Variants in SYNJ2 observed in about 807,000 individuals in gnomAD.
The protein encoded by SYNJ2 is polyphosphatidylinositol phosphatase SYNJ2.
SYNJ2 carries 116 observed loss-of-function variants against 141.3 expected under a neutral mutation model. The ratio of observed to expected loss-of-function variants is 0.82; its 90% confidence interval spans 0.71 to 0.96. The LOEUF (loss-of-function observed/expected upper bound fraction) is 0.96. Ranked by LOEUF, SYNJ2 falls within the 40% of genes least tolerant of loss-of-function variation. SYNJ2 has a pLI of 0.00. For synonymous variants in SYNJ2, 745 were observed against 777.7 expected (o/e 0.96, Z 0.70); for missense variants, 1,873 against 1,934.8 (o/e 0.97, Z 0.60).
intron 1 of SYNJ2, among the ~76,000 whole-genome samples, chr6:157,996,347 C>G (rs1389568780): frequency 6.6e-6 from 1 of 152,116 alleles, no homozygotes; most frequent in Non-Finnish European, 1.5e-5. Flanking sequence ...GCCACTGCCC[C>G]ATGTGCTTTC....
Position 158,017,431 on chromosome 6 carries a change from C to T in SYNJ2, c.214+141C>T, listed in dbSNP as rs527276856. The T allele has an allele frequency of 1.9e-3, 2,058 of 1,082,762 alleles. 8 individuals carry two copies. Among genetic ancestry groups the T allele is most frequent in the Non-Finnish European group, 2.2e-3 (1,763 of 812,820 alleles). The allele number at this position is 1,082,762 out of a possible 1,614,324, so 67.1% of individuals were successfully genotyped here. ...TTTTTTTTTTTTTTTTTTTTTTCTCCGAGATAGAGTTTTGCTCTTGTTGCC... is the reference window on the plus strand; with the variant it reads ...TTTTTTTTTTTTTTTTTTTTTTCTCTGAGATAGAGTTTTGCTCTTGTTGCC... On this transcript the variant is annotated intron_variant, in intron 2 of 26. Coordinates refer to ENST00000355585, the MANE Select transcript of SYNJ2 (RefSeq NM_003898.4).
chr6:157,987,213 C>T lies in SYNJ2; in HGVS notation c.127+5125C>T, dbSNP rs538810392. Among the ~76,000 whole-genome samples, 31 of 152,234 alleles carry T rather than the reference C, an allele frequency of 2.0e-4. 2 individuals are homozygous for T. The South Asian group carries it at 6.4e-3, about 32-fold the overall frequency. On this transcript the variant is annotated intron_variant, in intron 1 of 26. Coordinates refer to ENST00000355585, the MANE Select transcript of SYNJ2 (RefSeq NM_003898.4). Reference sequence around the variant, plus strand: ...TGTTGGCCAGGCTGGTATCGAACTCCTGACCTCAGGTGATCCACCCGCTTC... The same window carrying T: ...TGTTGGCCAGGCTGGTATCGAACTCTTGACCTCAGGTGATCCACCCGCTTC...
rs2502601 is a variant in SYNJ2 at position 158,096,276 on chromosome 6, A to G, written c.4403A>G (p.Glu1468Gly). 824,973 of 1,613,888 alleles carry G rather than the reference A, an allele frequency of 0.51. 213,305 individuals carry two copies. The highest frequency in any genetic ancestry group is 0.59 in the African/African-American group (44,573 of 74,984). Residue 1468 changes from glutamate to glycine, a missense_variant, in exon 27 of 27, where the codon GAA becomes GGA. Coordinates refer to ENST00000355585, the MANE Select transcript of SYNJ2 (RefSeq NM_003898.4). ...AAKAELPPDH[E>G]HKTLGHWVTI... ...AAGGCAGAGCTGCCACCAGATCATG[A>G]ACACAAAACCTTAGGTCACTGGGTG...
At chr6:158,026,905 C>T in intron 2 of SYNJ2, 2 of 985,432 alleles carry the variant, frequency 2.0e-6, no homozygotes, top group Non-Finnish European at 2.4e-6. Flanking sequence ...CCCCACCTAT[C>T]CTACTTGAGA....
chr6:158,015,642 A>G (rs1778425459), intron 1 of SYNJ2, among the ~76,000 whole-genome samples: 1 of 152,310 alleles, frequency 6.6e-6, no homozygotes, highest in East Asian at 1.9e-4. Flanking sequence ...TCCACATCAC[A>G]TTAGTGTTGT....
intron 18 of SYNJ2, 56 bp downstream of exon 18, chr6:158,078,337 C>G: frequency 8.2e-7 from 1 of 1,220,040 alleles, no homozygotes; most frequent in Non-Finnish European, 1.2e-6. Flanking sequence ...CAGCGTCTCC[C>G]TCTCCGCAGG....
chr6:158,080,431 C>T (rs1782598136), intron 18 of SYNJ2, among the ~76,000 whole-genome samples: 1 of 150,358 alleles, frequency 6.7e-6, no homozygotes, highest in African/African-American at 2.4e-5. Flanking sequence ...GCTGAGATCG[C>T]GCCACTGCAC....
intron 4 of SYNJ2, among the ~76,000 whole-genome samples, chr6:158,037,511 C>G (rs1446818800): frequency 6.6e-6 from 1 of 151,258 alleles, no homozygotes; most frequent in African/African-American, 2.4e-5. Flanking sequence ...ACACCATTCT[C>G]CTGCCTCAGC....
At chr6:157,992,416 T>C (rs1214460694) in intron 1 of SYNJ2, among the ~76,000 whole-genome samples, 1 of 147,116 alleles carries the variant, frequency 6.8e-6, no homozygotes, top group East Asian at 1.9e-4. Context: ...TTTTTTTTTT[T>C]TTTTTTTCCT....
chr6:158,038,982 G>T (rs761706709), intron 4 of SYNJ2, among the ~76,000 whole-genome samples: 18 of 152,206 alleles, frequency 1.2e-4, no homozygotes, highest in Non-Finnish European at 2.5e-4. Flanking sequence ...TGGGCCTGGT[G>T]GGGGGTCAGC....
intron 20 of SYNJ2, 27 bp from the exon 21 acceptor site, chr6:158,083,402 T>A (rs781249603): frequency 1.2e-6 from 2 of 1,607,486 alleles, no homozygotes; most frequent in African/African-American, 2.7e-5. Context: ...TTTTATTTAT[T>A]CCTGGGTGGC....
chr6:157,996,254 A>C (rs988152548), intron 1 of SYNJ2, among the ~76,000 whole-genome samples: 1 of 151,502 alleles, frequency 6.6e-6, no homozygotes, highest in African/African-American at 2.4e-5. Flanking sequence ...CATCCAACCT[A>C]CCAGCCAGTA....
intron 5 of SYNJ2, among the ~76,000 whole-genome samples, chr6:158,053,088 T>C (rs181214073): frequency 3.3e-5 from 5 of 152,320 alleles, no homozygotes; most frequent in Admixed American, 3.3e-4. Flanking sequence ...GGTCCCTACA[T>C]TTACATTTTC....
chr6:158,011,668 C>T (rs1778276137), intron 1 of SYNJ2, among the ~76,000 whole-genome samples: 1 of 152,166 alleles, frequency 6.6e-6, no homozygotes, highest in African/African-American at 2.4e-5. Flanking sequence ...GGCAAGGGGT[C>T]GGTTTTGTTT....
chr6:158,074,887 C>A, intron 16 of SYNJ2, 149 bp downstream of exon 16: 6 of 909,126 alleles, frequency 6.6e-6, no homozygotes, highest in Non-Finnish European at 9.8e-6. Context: ...TGTGAGGTTA[C>A]AGTACAGGAG....
chr6:158,010,474 C>A (rs893553992), intron 1 of SYNJ2, among the ~76,000 whole-genome samples: 1 of 151,778 alleles, frequency 6.6e-6, no homozygotes, highest in Non-Finnish European at 1.5e-5. Flanking sequence ...TCAGAAGGGT[C>A]GGGGGAGGAC....
chr6:158,047,232 T>C (rs1412583518), intron 5 of SYNJ2, among the ~76,000 whole-genome samples: 1 of 152,190 alleles, frequency 6.6e-6, no homozygotes, highest in African/African-American at 2.4e-5. Context: ...GGAAGGAACC[T>C]GACGCTTGTT....
intron 1 of SYNJ2, among the ~76,000 whole-genome samples, chr6:158,015,196 G>A (rs1183588467): frequency 6.6e-6 from 1 of 152,218 alleles, no homozygotes; most frequent in Non-Finnish European, 1.5e-5. Flanking sequence ...CTTGGTATGA[G>A]GGGCTGATGT....
intron 3 of SYNJ2, among the ~76,000 whole-genome samples, chr6:158,031,618 G>A (rs1158852043): frequency 7.7e-6 from 1 of 129,262 alleles, no homozygotes; most frequent in Non-Finnish European, 1.7e-5. Context: ...TTGTGGCGCA[G>A]CGTGAGGTCT....
Sources: allele counts gnomAD v4.1 joint callset (sites outside exome capture counted in the v4.1 genomes callset), GRCh38; gene constraint gnomAD v4.1.1; transcripts MANE v1.5; gene names NCBI Gene and HGNC (gene_info 2026-07-23, HGNC 2026-07-21).